The following KAZN variants were observed in gnomAD, a reference collection of about 807,000 sequenced individuals.
The protein encoded by KAZN is kazrin.
A neutral mutation model predicts 87.4 loss-of-function variants in KAZN; 40 were observed. The ratio of observed to expected loss-of-function variants is 0.46; its 90% CI spans 0.36 to 0.60. The LOEUF is 0.60. Ranked by LOEUF, KAZN falls within the 20% of genes least tolerant of loss-of-function variation. KAZN has a pLI of 0.00. For missense variants in KAZN, 898 were observed against 1,073.9 expected, an observed-to-expected ratio of 0.84 and a Z score of 2.29; for synonymous variants, 466 against 458.3, an observed-to-expected ratio of 1.02 and a Z score of -0.22.
At chr1:14,137,204 G>C (rs1266186152) in intron 1 of KAZN, among the ~76,000 whole-genome samples, 1 of 152,134 alleles carries the variant, frequency 6.6e-6, no homozygotes, top group Non-Finnish European at 1.5e-5. Context: ...TGCTTGGGTG[G>C]GATCATTCAC....
At chr1:14,132,388 C>G (rs1254052020) in intron 1 of KAZN, among the ~76,000 whole-genome samples, 1 of 152,108 alleles carries the variant, frequency 6.6e-6, no homozygotes, top group African/African-American at 2.4e-5. Context: ...ACTGGGTGCC[C>G]TGGCTCAGCA....
At chr1:14,431,872 A>G (rs1666091690) in intron 2 of KAZN, among the ~76,000 whole-genome samples, 1 of 152,148 alleles carries the variant, frequency 6.6e-6, no homozygotes, top group African/African-American at 2.4e-5. Flanking sequence ...CTGAGACACT[A>G]CTGCCTTGTC....
At chr1:14,134,212 T>C (rs1194212635) in intron 1 of KAZN, among the ~76,000 whole-genome samples, 1 of 152,196 alleles carries the variant, frequency 6.6e-6, no homozygotes, top group Non-Finnish European at 1.5e-5. Flanking sequence ...GATAAAGTGA[T>C]GTGATGGACA....
Position 14,085,082 on chromosome 1 carries a change from A to G in KAZN, c.92-95353A>G, listed in dbSNP as rs146089227. 2.6e-5 allele frequency among the ~76,000 whole-genome samples: 4 copies of G among 152,274 alleles called. No individual in the cohort carries two copies. In the East Asian group the frequency reaches 7.7e-4, roughly 29 times the overall value. On this transcript the variant is annotated intron_variant, in intron 1 of 16. Transcript: ENST00000636203. Reference sequence around the variant, plus strand: ...GGGTTCTTTCATTCAAAGATTCCCAATACTTTCAGTGTGCTATTCTTCCCC... The same window carrying G: ...GGGTTCTTTCATTCAAAGATTCCCAGTACTTTCAGTGTGCTATTCTTCCCC...
intron 1 of KAZN, among the ~76,000 whole-genome samples, chr1:14,173,444 A>G (rs1463216076): frequency 6.6e-6 from 1 of 152,162 alleles, no homozygotes; most frequent in Non-Finnish European, 1.5e-5. Context: ...CTCAGGCAAG[A>G]GTTCCTCAAG....
chr1:14,987,763 C>T lies in KAZN; in HGVS notation c.418+26888C>T, dbSNP rs111504233. Among the ~76,000 whole-genome samples, 549 of 152,244 alleles carry T rather than the reference C, an allele frequency of 3.6e-3. 4 individuals carry two copies. Among genetic ancestry groups the T allele is most frequent in the Middle Eastern group, 0.017 (5 of 294 alleles). ...ATTTTGTGATCCACGTGGAAGGATG[C>T]GGGGAAGCCACTTGATCGGATTTCA... is the stretch of plus-strand genomic sequence containing the variant. On this transcript the variant is annotated intron_variant, in intron 2 of 14. Transcript: ENST00000376030.
intron 1 of KAZN, among the ~76,000 whole-genome samples, chr1:14,020,645 G>C (rs1210783181): frequency 4.6e-5 from 7 of 152,168 alleles, no homozygotes; most frequent in Admixed American, 1.3e-4. Flanking sequence ...TTCTTAGGAC[G>C]ATCTGGGAAA....
chr1:13,909,570 C>G (rs1357851394), intron 1 of KAZN, among the ~76,000 whole-genome samples: 1 of 152,096 alleles, frequency 6.6e-6, no homozygotes, highest in Non-Finnish European at 1.5e-5. Flanking sequence ...GTTCCTACAC[C>G]CACATTTTCT....
intron 1 of KAZN, among the ~76,000 whole-genome samples, chr1:14,847,863 C>G (rs1306800272): frequency 2.0e-5 from 3 of 152,130 alleles, no homozygotes; most frequent in Admixed American, 2.0e-4. Flanking sequence ...ACCTACAGTC[C>G]TAGTTTCTTG....
At chr1:14,034,953 T>C (rs771765277) in intron 1 of KAZN, among the ~76,000 whole-genome samples, 32 of 152,326 alleles carry the variant, frequency 2.1e-4, no homozygotes, top group Middle Eastern at 3.4e-3. Flanking sequence ...GGGAAGATTC[T>C]GCGCTCCCAG....
chr1:15,060,660 A>T (rs1287326454), intron 6 of KAZN: 4 of 254,866 alleles, frequency 1.6e-5, no homozygotes, highest in Non-Finnish European at 3.1e-5. Context: ...GCACCTCCTC[A>T]TTTCCCTTTA....
At chr1:14,120,796 C>CTG (rs1409449108) in intron 1 of KAZN, among the ~76,000 whole-genome samples, 5 of 152,196 alleles carry the variant, frequency 3.3e-5, no homozygotes, top group Admixed American at 2.0e-4. Context: ...AACCCCCTGT[C>CTG]TGTGTGTCCT....
At chr1:14,783,882 C>T (rs1342832137) in intron 1 of KAZN, among the ~76,000 whole-genome samples, 1 of 151,910 alleles carries the variant, frequency 6.6e-6, no homozygotes, top group African/African-American at 2.4e-5. Context: ...AGAGAGACTG[C>T]GATGAATAGA....
intron 2 of KAZN, chr1:14,180,620 A>G (rs1379362293): frequency 7.2e-6 from 11 of 1,528,408 alleles, no homozygotes; most frequent in East Asian, 2.5e-5. Flanking sequence ...GAAATTCTCT[A>G]TGGAGAAGGT....
chr1:14,466,856 C>T (rs556838939), intron 2 of KAZN, among the ~76,000 whole-genome samples: 1 of 152,184 alleles, frequency 6.6e-6, no homozygotes, highest in African/African-American at 2.4e-5. Flanking sequence ...GTGGTCCCAG[C>T]TACTTGGGAG....
chr1:14,546,368 C>G (rs1179158606), intron 2 of KAZN, among the ~76,000 whole-genome samples: 1 of 152,130 alleles, frequency 6.6e-6, no homozygotes, highest in Non-Finnish European at 1.5e-5. Context: ...TAAGAAACAA[C>G]CATATAGTAC....
intron 1 of KAZN, among the ~76,000 whole-genome samples, chr1:13,943,284 T>C (rs2100975337): frequency 6.6e-6 from 1 of 152,082 alleles, no homozygotes; most frequent in South Asian, 2.1e-4. Flanking sequence ...CAGAAGACAA[T>C]GGAATGGCAT....
In KAZN at chr1:14,773,755, G is replaced by A. The variant is rs538792137; in HGVS notation, c.226+174532G>A. Reference sequence around the variant, plus strand: ...TGAGGCCTCTGTGGCCTGGGCTTCCGGGGCTGCCATCTCTAATGAACTCAG... The same window carrying A: ...TGAGGCCTCTGTGGCCTGGGCTTCCAGGGCTGCCATCTCTAATGAACTCAG... On this transcript the variant is annotated intron_variant, in intron 1 of 14. Coordinates refer to ENST00000376030, the MANE Select transcript of KAZN (RefSeq NM_201628.3). This position sits in a 1 kb window ranked among gnomAD's most constrained non-coding sequence, Gnocchi z 5.9. Among the ~76,000 whole-genome samples the A allele has an allele frequency of 7.4e-4, 113 of 152,148 alleles. 1 individual carries two copies. Among genetic ancestry groups the A allele is most frequent in the South Asian group, 5.2e-3 (25 of 4,816 alleles).
At chr1:14,558,945 T>A (rs1315824840) in intron 2 of KAZN, among the ~76,000 whole-genome samples, 2 of 152,216 alleles carry the variant, frequency 1.3e-5, no homozygotes, top group Non-Finnish European at 2.9e-5. Context: ...TTCACCTTTC[T>A]CATCTTTCCT....
Sources: allele counts gnomAD v4.1 joint callset (sites outside exome capture counted in the v4.1 genomes callset), GRCh38; gene constraint gnomAD v4.1.1; non-coding constraint Gnocchi (gnomAD v3.1); transcripts MANE v1.5; gene names NCBI Gene and HGNC (gene_info 2026-07-23, HGNC 2026-07-21).